NPHP1: variants seen among roughly 807,000 people sequenced by gnomAD.
NPHP1 encodes nephrocystin-1.
NPHP1 carries 70 observed loss-of-function variants against 90.4 expected under a neutral mutation model. The observed-to-expected ratio is 0.77, with a 90% CI of 0.64 to 0.95. The LOEUF (loss-of-function observed/expected upper bound fraction) is 0.95, where lower values mean the gene tolerates loss of function less well. NPHP1 is among the 40% of genes least tolerant of loss of function. The pLI is 0.00. For synonymous variants in NPHP1, 256 were observed against 271.7 expected (o/e 0.94, Z 0.57); for missense variants, 764 against 795.9 (o/e 0.96, Z 0.48).
intron 5 of NPHP1, 96 bp from the exon 6 acceptor site, chr2:110,168,649 C>T (rs1046459626): frequency 1.2e-6 from 1 of 856,834 alleles, no homozygotes; most frequent in Admixed American, 2.0e-5. Flanking sequence ...GAAAAAAAGG[C>T]AAAATCTTTT....
chr2:110,186,740 C>T (rs1414546839), intron 2 of NPHP1, among the ~76,000 whole-genome samples: 2 of 152,136 alleles, frequency 1.3e-5, no homozygotes, highest in Non-Finnish European at 2.9e-5. Flanking sequence ...AACTCACCTC[C>T]CTTCTCTTAG....
rs1424255512 is a variant in NPHP1, at chr2:110,171,449, T to TA, written c.330-1452dup. ...GTCAACTACAAGATTTTCTCTGGAA[T>TA]AAAAAGGAATATTAGCTGAACTTTG... On this transcript the variant is annotated intron_variant, in intron 4 of 19. Transcript: ENST00000445609. 2.0e-5 allele frequency among the ~76,000 whole-genome samples: 3 copies of TA among 152,116 alleles called. No individual in the cohort carries two copies. The East Asian group carries it at 5.8e-4, about 29-fold the overall frequency.
At chr2:110,165,346 A>G (rs1161273946) in intron 6 of NPHP1, among the ~76,000 whole-genome samples, 191 bp from the exon 7 acceptor site, 1 of 152,208 alleles carries the variant, frequency 6.6e-6, no homozygotes, top group Non-Finnish European at 1.5e-5. Context: ...TATGATGAGC[A>G]TATAAAACTC....
At chr2:110,135,476 CAAAAAAAAAAAA>C (rs66696927) in intron 16 of NPHP1, among the ~76,000 whole-genome samples, 1 of 15,116 alleles carries the variant, frequency 6.6e-5, no homozygotes, top group African/African-American at 1.8e-4. Context: ...GACCCCGTCT[CAAAAAAAAAAAA>C]AAAAAAAAAA....
intron 2 of NPHP1, chr2:110,183,985 T>G: frequency 2.8e-6 from 1 of 351,608 alleles, no homozygotes; most frequent in Non-Finnish European, 5.6e-6. Flanking sequence ...AACTCAAGAT[T>G]AAGAAATTCA....
chr2:110,123,550 G>GA lies in NPHP1; in HGVS notation c.*240dup, dbSNP rs1266205833. 7.4e-6 allele frequency: 3 copies of GA among 405,212 alleles called. No individual in the cohort carries two copies. Among genetic ancestry groups the GA allele is most frequent in the Admixed American group, 3.9e-5 (1 of 25,508 alleles). 25.1% of individuals were successfully genotyped at this position (405,212 alleles called of 1,614,324 possible). A position where few individuals can be genotyped will look rare whatever the true frequency, so the allele number is the denominator to read the frequency against. ...ACCATTAACTTAAGTAGCTGTTTTT[G>GA]AAAAAATAAATACTGTTTAAATTTA... On this transcript the variant is annotated 3_prime_UTR_variant, in exon 20 of 20. Coordinates refer to ENST00000445609, the MANE Select transcript of NPHP1 (RefSeq NM_001128178.3).
intron 16 of NPHP1, among the ~76,000 whole-genome samples, chr2:110,138,783 G>A (rs544306986): frequency 6.6e-6 from 1 of 152,186 alleles, no homozygotes; most frequent in African/African-American, 2.4e-5. Context: ...AAAGGGGTGG[G>A]AACTTCCTTC....
chr2:110,177,071 T>C (rs141064408), intron 4 of NPHP1, among the ~76,000 whole-genome samples: 1 of 152,150 alleles, frequency 6.6e-6, no homozygotes, highest in South Asian at 2.1e-4. Context: ...TCTACCTTCC[T>C]CCACCACAGC....
At chr2:110,131,905 C>A in intron 16 of NPHP1, 114 bp from the exon 17 acceptor site, 1 of 708,520 alleles carries the variant, frequency 1.4e-6, no homozygotes, top group Non-Finnish European at 2.5e-6. Flanking sequence ...ATTACTGGAA[C>A]ACATTTTTAA....
intron 18 of NPHP1, chr2:110,127,386 G>A (rs1320105668): frequency 6.6e-6 from 1 of 152,016 alleles, no homozygotes; most frequent in Non-Finnish European, 1.5e-5. Flanking sequence ...AGAGAAGAAG[G>A]CTCATGGGTG....
intron 15 of NPHP1, 147 bp from the exon 16 acceptor site, chr2:110,143,788 G>C (rs899705891): frequency 1.4e-5 from 9 of 658,628 alleles, no homozygotes; most frequent in Non-Finnish European, 2.4e-5. Context: ...TAAATGAGCT[G>C]AGAGACCTCC....
intron 2 of NPHP1, among the ~76,000 whole-genome samples, chr2:110,194,974 C>A (rs1685049838): frequency 6.6e-6 from 1 of 152,126 alleles, no homozygotes; most frequent in East Asian, 1.9e-4. Context: ...ATGCTAAAAA[C>A]TCTCAAGAAA....
chr2:110,180,683 C>T (rs149304116), intron 2 of NPHP1, among the ~76,000 whole-genome samples: 9 of 152,120 alleles, frequency 5.9e-5, no homozygotes, highest in East Asian at 3.9e-4. Context: ...GTAGAAAAGC[C>T]AGGGAACAAG....
chr2:110,204,491 G>A (rs1033791705), intron 1 of NPHP1, among the ~76,000 whole-genome samples: 1 of 152,140 alleles, frequency 6.6e-6, no homozygotes, highest in Non-Finnish European at 1.5e-5. Context: ...GAGGAAGGCT[G>A]AAAGGAAATG....
chr2:110,148,081 T>C, intron 12 of NPHP1, 55 bp from the exon 13 acceptor site: 2 of 1,101,974 alleles, frequency 1.8e-6, no homozygotes, highest in Non-Finnish European at 2.8e-6. Flanking sequence ...GGGAAGGGGG[T>C]TTGATGTGGT....
intron 16 of NPHP1, among the ~76,000 whole-genome samples, chr2:110,133,617 G>A (rs1227449936): frequency 6.6e-6 from 1 of 152,050 alleles, no homozygotes; most frequent in Non-Finnish European, 1.5e-5. Context: ...CTCCAGGAAA[G>A]ACCATATGTT....
intron 12 of NPHP1, 44 bp from the exon 13 acceptor site, chr2:110,148,070 T>C (rs1308692053): frequency 1.6e-6 from 2 of 1,268,988 alleles, no homozygotes; most frequent in Non-Finnish European, 2.3e-6. Flanking sequence ...AAATAAAAAA[T>C]GGGAAGGGGG....
intron 2 of NPHP1, among the ~76,000 whole-genome samples, chr2:110,193,987 C>T (rs1231461531): frequency 6.6e-6 from 1 of 152,046 alleles, no homozygotes; most frequent in Non-Finnish European, 1.5e-5. Context: ...ATACCAGAAT[C>T]TCTGGGACAC....
chr2:110,182,718 T>C (rs966822351), intron 2 of NPHP1, among the ~76,000 whole-genome samples: 5 of 152,046 alleles, frequency 3.3e-5, no homozygotes, highest in African/African-American at 1.2e-4. Flanking sequence ...AGTGACACTA[T>C]GAAGCAACCA....
Sources: allele counts gnomAD v4.1 joint callset (sites outside exome capture counted in the v4.1 genomes callset), GRCh38; gene constraint gnomAD v4.1.1; transcripts MANE v1.5; gene names NCBI Gene and HGNC (gene_info 2026-07-23, HGNC 2026-07-21).